The following CYFIP2 variants were observed in gnomAD, a reference collection of about 807,000 sequenced individuals.
CYFIP2 encodes cytoplasmic FMR1 interacting protein 2, also known as cytoplasmic FMR1-interacting protein 2.
Under a neutral mutation model 158.7 loss-of-function variants are expected in CYFIP2, and 29 were observed. That is an observed-to-expected ratio of 0.18 (90% CI 0.14 to 0.25). The LOEUF (loss-of-function observed/expected upper bound fraction) is 0.25. CYFIP2 is among the 10% of genes least tolerant of loss of function. CYFIP2 has a pLI of 1.00. For synonymous variants in CYFIP2, 585 were observed against 617.6 expected, an observed-to-expected ratio of 0.95 and a Z score of 0.78; for missense variants, 852 against 1,639.5, an observed-to-expected ratio of 0.52 and a Z score of 8.29.
chr5:157,339,756 G>C (rs1302267469), intron 22 of CYFIP2, among the ~76,000 whole-genome samples: 1 of 152,200 alleles, frequency 6.6e-6, no homozygotes, highest in African/African-American at 2.4e-5. Flanking sequence ...AAGTAATGCT[G>C]GAGTTAAGAT....
Position 157,393,521 on chromosome 5 carries a change from C to T in CYFIP2, c.*521C>T, listed in dbSNP as rs1322869899. On this transcript the variant is annotated 3_prime_UTR_variant, in exon 31 of 31. Coordinates refer to ENST00000620254, the MANE Select transcript of CYFIP2 (RefSeq NM_001037333.3). ...CAGTGCCCCGGGTGTCATCTTCTCC[C>T]ACTCTGGGTACCAGGGATTCTACCA... The T allele has an allele frequency of 6.5e-6, 1 of 152,724 alleles. No individual in the cohort carries two copies. The highest frequency in any genetic ancestry group is 1.5e-5 in the Non-Finnish European group (1 of 68,446). 9.5% of individuals were successfully genotyped at this position (152,724 alleles called of 1,614,324 possible). A position where few individuals can be genotyped will look rare whatever the true frequency, so the allele number is the denominator to read the frequency against.
chr5:157,388,510 G>A (rs1376986449), intron 28 of CYFIP2, among the ~76,000 whole-genome samples: 1 of 152,216 alleles, frequency 6.6e-6, no homozygotes, highest in Admixed American at 6.5e-5. Flanking sequence ...AAGCCCATCT[G>A]TTCCCACAAC....
At chr5:157,319,460 A>C (rs1264232001) in intron 13 of CYFIP2, among the ~76,000 whole-genome samples, 1 of 152,254 alleles carries the variant, frequency 6.6e-6, no homozygotes, top group Non-Finnish European at 1.5e-5. Context: ...ATTTGTCAGC[A>C]GTGAACAACA....
intron 10 of CYFIP2, 28 bp downstream of exon 10, chr5:157,309,862 C>T (rs1759560014): frequency 1.3e-6 from 2 of 1,561,322 alleles, no homozygotes; most frequent in East Asian, 2.4e-5. Flanking sequence ...TGTCTCTCGG[C>T]TCCCGCAAGG....
intron 23 of CYFIP2, among the ~76,000 whole-genome samples, chr5:157,352,024 C>T (rs974245745): frequency 6.6e-6 from 1 of 152,142 alleles, no homozygotes; most frequent in Admixed American, 6.5e-5. Context: ...AAAACTTTAA[C>T]AACTGGTCAA....
intron 26 of CYFIP2, chr5:157,363,218 G>A (rs1764004617): frequency 6.6e-6 from 1 of 152,156 alleles, no homozygotes; most frequent in African/African-American, 2.4e-5. Flanking sequence ...CAGGTGTCGA[G>A]GTAACGGAGA....
At chr5:157,278,540 T>C (rs927608484) in intron 1 of CYFIP2, among the ~76,000 whole-genome samples, 8 of 152,216 alleles carry the variant, frequency 5.3e-5, no homozygotes, top group African/African-American at 1.9e-4. Flanking sequence ...TGAATAAAAG[T>C]GTTTACTTCT....
chr5:157,332,723 A>T (rs975638730), intron 20 of CYFIP2, among the ~76,000 whole-genome samples: 2 of 152,188 alleles, frequency 1.3e-5, no homozygotes, highest in Non-Finnish European at 1.5e-5. Flanking sequence ...AGCTCACTGC[A>T]GCCACAAACT....
intron 3 of CYFIP2, among the ~76,000 whole-genome samples, chr5:157,292,024 C>T (rs1381316986): frequency 6.6e-6 from 1 of 151,968 alleles, no homozygotes; most frequent in East Asian, 1.9e-4. Context: ...CTAAAAGATG[C>T]CCTGGACCTG....
chr5:157,294,744 G>A (rs551936806), intron 3 of CYFIP2, 39 bp from the exon 4 acceptor site: 95 of 1,595,078 alleles, frequency 6.0e-5, no homozygotes, highest in African/African-American at 5.0e-4. Context: ...GGTGGCACCC[G>A]TCTTGTTCCT....
intron 13 of CYFIP2, among the ~76,000 whole-genome samples, chr5:157,315,839 A>C (rs999611307): frequency 2.0e-5 from 3 of 152,210 alleles, no homozygotes; most frequent in Non-Finnish European, 4.4e-5. Flanking sequence ...TAATCCTAGC[A>C]CTTTGGGAGG....
intron 4 of CYFIP2, among the ~76,000 whole-genome samples, chr5:157,296,273 A>C (rs1216008342): frequency 6.6e-6 from 1 of 152,136 alleles, no homozygotes. Flanking sequence ...AATCAGGTGT[A>C]TTTGAGAGTG....
chr5:157,363,211 G>A (rs1452978441), intron 26 of CYFIP2: 1 of 152,208 alleles, frequency 6.6e-6, no homozygotes, highest in Non-Finnish European at 1.5e-5. Context: ...AGTCCTACAG[G>A]TGTCGAGGTA....
chr5:157,291,255 TC>T (rs1488348763), intron 3 of CYFIP2, among the ~76,000 whole-genome samples: 1 of 152,172 alleles, frequency 6.6e-6, no homozygotes, highest in African/African-American at 2.4e-5. Context: ...TCAGGCCAAC[TC>T]TTTACCTCCA....
Position 157,324,043 on chromosome 5 carries a change from C to T in CYFIP2, c.1794C>T (p.Ser598=), listed in dbSNP as rs1242500889. 1 of 1,613,704 alleles carries T rather than the reference C, an allele frequency of 6.2e-7. No homozygotes were observed. Among genetic ancestry groups the T allele is most frequent in the East Asian group, 2.2e-5 (1 of 44,880 alleles). ...CCATAGAGGACTTTCACAAACAGTC[C>T]TTCTTCTTCACACATCTGCTCAACA... ...VLAIEDFHKQ[S]FFFTHLLNIS... Residue 598 remains serine, a synonymous_variant, in exon 16 of 31, where the codon TCC becomes TCT. Coordinates refer to ENST00000620254, the MANE Select transcript of CYFIP2 (RefSeq NM_001037333.3).
chr5:157,305,767 G>A lies in CYFIP2; in HGVS notation c.795+1401G>A, dbSNP rs891834973. Among the ~76,000 whole-genome samples, 45 of 152,126 alleles carry A rather than the reference G, an allele frequency of 3.0e-4. 1 individual carries two copies. The highest frequency in any genetic ancestry group is 5.3e-4 in the Non-Finnish European group (36 of 68,014). The stretch of plus-strand genomic sequence containing the variant: ...TGGGCTCAAGCAATCTGCCCGCCTC[G>A]GCCTCCAAAAGTGCTGGGATTACGT... On this transcript the variant is annotated intron_variant, in intron 8 of 30. Transcript: ENST00000620254.
At chr5:157,300,057 G>T (rs1350650638) in intron 5 of CYFIP2, among the ~76,000 whole-genome samples, 2 of 152,174 alleles carry the variant, frequency 1.3e-5, no homozygotes, top group African/African-American at 4.8e-5. Context: ...CTGGATGAAT[G>T]AGCCTCTTTT....
intron 1 of CYFIP2, among the ~76,000 whole-genome samples, chr5:157,275,429 C>A (rs1057355405): frequency 6.6e-6 from 1 of 152,208 alleles, no homozygotes; most frequent in Non-Finnish European, 1.5e-5. Flanking sequence ...TTCTACATCT[C>A]TTGTCAATTG....
rs1316934829 is a variant in CYFIP2, at chr5:157,303,080, C to G, written c.666+190C>G. ...TCCCAACCCCAGGTGGCCGATTCAC[C>G]CTCTCCAGTTGTCATGCTCGTGAAG... On this transcript the variant is annotated intron_variant, in intron 7 of 30. Coordinates refer to ENST00000620254, the MANE Select transcript of CYFIP2 (RefSeq NM_001037333.3). The G allele has an allele frequency of 7.3e-6, 4 of 548,860 alleles. No individual in the cohort carries two copies. The East Asian group carries it at 1.2e-4, about 17-fold the overall frequency. 34.0% of individuals were successfully genotyped at this position (548,860 alleles called of 1,614,324 possible). A position where few individuals can be genotyped will look rare whatever the true frequency, so the allele number is the denominator to read the frequency against.
Sources: allele counts gnomAD v4.1 joint callset (sites outside exome capture counted in the v4.1 genomes callset), GRCh38; gene constraint gnomAD v4.1.1; transcripts MANE v1.5; gene names NCBI Gene and HGNC (gene_info 2026-07-23, HGNC 2026-07-21).